The following LRP1B variants were observed in gnomAD, a reference collection of about 807,000 sequenced individuals.
The protein encoded by LRP1B is LDL receptor related protein 1B, also known as low-density lipoprotein receptor-related protein 1B.
In LRP1B, 217 loss-of-function variants were observed where a neutral mutation model predicts 556.6. The ratio of observed to expected loss-of-function variants is 0.39; its 90% confidence interval spans 0.35 to 0.44. The LOEUF (loss-of-function observed/expected upper bound fraction) is 0.44, where lower values mean the gene tolerates loss of function less well. Ranked by LOEUF, LRP1B falls within the 20% of genes least tolerant of loss-of-function variation. LRP1B has a pLI of 1.00. For synonymous variants in LRP1B, 2,047 were observed against 1,865.8 expected (o/e 1.10, Z -2.50); for missense variants, 5,053 against 5,620.8 (o/e 0.90, Z 3.23).
At chr2:140,428,773 C>G (rs959482887) in intron 66 of LRP1B, among the ~76,000 whole-genome samples, 1 of 152,184 alleles carries the variant, frequency 6.6e-6, no homozygotes, top group Admixed American at 6.5e-5. Flanking sequence ...GCCTCCATAA[C>G]TGTTGTGCGT....
At chr2:140,761,371 CT>C (rs1688915826) in intron 35 of LRP1B, among the ~76,000 whole-genome samples, 2 of 152,184 alleles carry the variant, frequency 1.3e-5, no homozygotes, top group African/African-American at 4.8e-5. Context: ...ATGTGGCCCC[CT>C]CTTACCCCTA....
At chr2:141,105,686 C>T (rs10195363) in intron 7 of LRP1B, among the ~76,000 whole-genome samples, 41,764 of 150,542 alleles carry the variant, frequency 0.28, 6,234 homozygotes, top group East Asian at 0.65. Flanking sequence ...TTCTCTGAAA[C>T]AATTGTTTAG....
intron 18 of LRP1B, 45 bp from the exon 19 acceptor site, chr2:140,951,985 T>G: frequency 7.6e-7 from 1 of 1,311,602 alleles, no homozygotes; most frequent in Admixed American, 1.7e-5. Context: ...TGTTATTGAC[T>G]GTGCATGACA....
At chr2:141,904,418 A>G (rs1699700940) in intron 1 of LRP1B, among the ~76,000 whole-genome samples, 1 of 151,850 alleles carries the variant, frequency 6.6e-6, no homozygotes, top group South Asian at 2.1e-4. Context: ...TATCCTGTAA[A>G]GGTGGTGTGT....
At chr2:140,596,863 T>C (rs986468217) in intron 43 of LRP1B, among the ~76,000 whole-genome samples, 1 of 152,114 alleles carries the variant, frequency 6.6e-6, no homozygotes, top group Non-Finnish European at 1.5e-5. Context: ...GGGAGGGCTA[T>C]AAAAACATGA....
intron 6 of LRP1B, among the ~76,000 whole-genome samples, chr2:141,226,099 T>C (rs1212602140): frequency 7.2e-6 from 1 of 138,816 alleles, no homozygotes; most frequent in Non-Finnish European, 1.6e-5. Flanking sequence ...ATTATCTAAC[T>C]GCTCAGAGTC....
At chr2:141,264,384 G>T (rs1684810110) in intron 3 of LRP1B, among the ~76,000 whole-genome samples, 2 of 152,152 alleles carry the variant, frequency 1.3e-5, no homozygotes, top group African/African-American at 4.8e-5. Context: ...GCTGTAATAA[G>T]GTGGAAGCTG....
At chr2:141,100,799 T>C (rs1022527993) in intron 7 of LRP1B, among the ~76,000 whole-genome samples, 9 of 151,874 alleles carry the variant, frequency 5.9e-5, no homozygotes, top group Non-Finnish European at 1.0e-4. Context: ...TGAAAACAGA[T>C]TTGTACTTGT....
At chr2:141,141,644 T>G (rs945827015) in intron 7 of LRP1B, among the ~76,000 whole-genome samples, 1 of 152,198 alleles carries the variant, frequency 6.6e-6, no homozygotes, top group Admixed American at 6.5e-5. Flanking sequence ...TTATGGACCT[T>G]GTATGAATAT....
chr2:140,928,393 A>G (rs574501660), intron 20 of LRP1B, among the ~76,000 whole-genome samples: 1 of 152,270 alleles, frequency 6.6e-6, no homozygotes, highest in South Asian at 2.1e-4. Flanking sequence ...CATTTTACAT[A>G]TCTATTGTGG....
intron 3 of LRP1B, among the ~76,000 whole-genome samples, chr2:141,433,527 C>T (rs1680646220): frequency 6.6e-6 from 1 of 151,864 alleles, no homozygotes; most frequent in African/African-American, 2.4e-5. Flanking sequence ...TCTATCTGTC[C>T]CTTTTGTCAG....
intron 2 of LRP1B, among the ~76,000 whole-genome samples, chr2:141,802,191 TG>T (rs1001378839): frequency 1.3e-5 from 2 of 152,170 alleles, no homozygotes; most frequent in African/African-American, 4.8e-5. Flanking sequence ...TCTTTGCTGC[TG>T]GGTACCGAGG....
chr2:141,318,928 A>G (rs1687126867), intron 3 of LRP1B, among the ~76,000 whole-genome samples: 1 of 152,110 alleles, frequency 6.6e-6, no homozygotes, highest in African/African-American at 2.4e-5. Context: ...ATTCATTAGA[A>G]TCCCGAGAGA....
At chr2:141,983,975 C>T (rs185290087) in intron 1 of LRP1B, among the ~76,000 whole-genome samples, 5 of 152,180 alleles carry the variant, frequency 3.3e-5, no homozygotes, top group South Asian at 2.1e-4. Context: ...GCAGGAGAAT[C>T]GCTTGAACCC....
chr2:141,332,482 A>G (rs868388425), intron 3 of LRP1B, among the ~76,000 whole-genome samples: 2 of 151,442 alleles, frequency 1.3e-5, no homozygotes, highest in East Asian at 1.9e-4. Flanking sequence ...TATATGCATC[A>G]TCTAAGGCCC....
intron 32 of LRP1B, among the ~76,000 whole-genome samples, chr2:140,803,867 AC>A (rs1405747306): frequency 0.035 from 1,434 of 41,464 alleles, 7 homozygotes; most frequent in Middle Eastern, 0.064. Context: ...CCCCTCCCCC[AC>A]CCCCCCAACC....
At chr2:140,886,653 C>T (rs1474546659) in intron 23 of LRP1B, among the ~76,000 whole-genome samples, 1 of 151,402 alleles carries the variant, frequency 6.6e-6, no homozygotes, top group Non-Finnish European at 1.5e-5. Flanking sequence ...CAGCTGACAA[C>T]TTAATGCTCA....
chr2:141,101,637 G>A (rs1330232015), intron 7 of LRP1B, among the ~76,000 whole-genome samples: 1 of 152,054 alleles, frequency 6.6e-6, no homozygotes, highest in Non-Finnish European at 1.5e-5. Flanking sequence ...AAATATGAGT[G>A]CACAGATATG....
At chr2:140,832,975 C>G (rs1691767950) in intron 31 of LRP1B, among the ~76,000 whole-genome samples, 1 of 152,108 alleles carries the variant, frequency 6.6e-6, no homozygotes, top group Admixed American at 6.5e-5. Flanking sequence ...ATGCATGTAT[C>G]AAAATATCAC....
Sources: allele counts gnomAD v4.1 joint callset (sites outside exome capture counted in the v4.1 genomes callset), GRCh38; gene constraint gnomAD v4.1.1; transcripts MANE v1.5; gene names NCBI Gene and HGNC (gene_info 2026-07-23, HGNC 2026-07-21).